LRMDA: variants seen among roughly 807,000 people sequenced by gnomAD.
The protein encoded by LRMDA is leucine rich melanocyte differentiation associated.
LRMDA carries 18 observed loss-of-function variants against 29.8 expected under a neutral mutation model. The observed-to-expected ratio is 0.60, with a 90% CI of 0.42 to 0.90. LRMDA has a LOEUF of 0.90. Among genes scored for constraint, LRMDA ranks in the 40% least tolerant of loss-of-function variants. The pLI is 0.00. For synonymous variants in LRMDA, 125 were observed against 109.4 expected (o/e 1.14, Z -0.89); for missense variants, 273 against 273.9 (o/e 1.00, Z 0.02).
At chr10:75,624,425 G>T (rs1841225995) in intron 2 of LRMDA, among the ~76,000 whole-genome samples, 1 of 152,212 alleles carries the variant, frequency 6.6e-6, no homozygotes, top group Non-Finnish European at 1.5e-5. Context: ...TAGAGAAAAA[G>T]AGGTATCAGT....
At chr10:76,458,254 G>A (rs1209306370) in intron 6 of LRMDA, among the ~76,000 whole-genome samples, 1 of 152,048 alleles carries the variant, frequency 6.6e-6, no homozygotes, top group Non-Finnish European at 1.5e-5. Flanking sequence ...TGAATTTTAT[G>A]TGAAATCTTG....
At chr10:75,851,537 C>T (rs1189607319) in intron 2 of LRMDA, among the ~76,000 whole-genome samples, 2 of 152,170 alleles carry the variant, frequency 1.3e-5, no homozygotes, top group East Asian at 3.9e-4. Context: ...TGGAAGGCCC[C>T]AAACTCTTCT....
intron 5 of LRMDA, chr10:76,270,287 C>T (rs1009283528): frequency 6.6e-6 from 1 of 152,192 alleles, no homozygotes; most frequent in African/African-American, 2.4e-5. Context: ...AGGATGCCAA[C>T]AAAGGCTTCC....
At chr10:75,736,145 T>C (rs1268700867) in intron 2 of LRMDA, among the ~76,000 whole-genome samples, 1 of 152,160 alleles carries the variant, frequency 6.6e-6, no homozygotes, top group African/African-American at 2.4e-5. Flanking sequence ...TAGTTAGGAA[T>C]ATTGTGTAAA....
chr10:76,406,068 A>G (rs1841898680), intron 6 of LRMDA, among the ~76,000 whole-genome samples: 1 of 152,230 alleles, frequency 6.6e-6, no homozygotes, highest in Admixed American at 6.5e-5. Flanking sequence ...AAACAAGAGG[A>G]ACAACAGGAA....
At chr10:75,897,582 A>G (rs1845604325) in intron 2 of LRMDA, among the ~76,000 whole-genome samples, 1 of 151,894 alleles carries the variant, frequency 6.6e-6, no homozygotes, top group South Asian at 2.1e-4. Flanking sequence ...GGATTATCTA[A>G]TCAGTCCTTT....
chr10:76,036,194 C>T, intron 3 of LRMDA, 60 bp downstream of exon 3: 2 of 1,461,676 alleles, frequency 1.4e-6, no homozygotes, highest in Non-Finnish European at 1.8e-6. Flanking sequence ...CGTCCCCCAA[C>T]CCCACCCTGC....
chr10:75,625,443 CAGAATG>C (rs956786210), intron 2 of LRMDA, among the ~76,000 whole-genome samples: 23 of 152,228 alleles, frequency 1.5e-4, no homozygotes, highest in African/African-American at 4.3e-4. Context: ...TACTGCATCT[CAGAATG>C]AGATATTCTC....
At position 75,967,276 on chromosome 10, in the gene LRMDA, G is replaced by A. The variant is rs543897072; in HGVS notation, c.132-68732G>A. On this transcript the variant is annotated intron_variant, in intron 2 of 6. Coordinates refer to ENST00000611255, the MANE Select transcript of LRMDA (RefSeq NM_001305581.2). ...AATTACTGTATTCTTTAATTACATAGCATCTTAAACTGTAGCTTTGAATTT... is the reference window on the plus strand; with the variant it reads ...AATTACTGTATTCTTTAATTACATAACATCTTAAACTGTAGCTTTGAATTT... 7.2e-5 allele frequency among the ~76,000 whole-genome samples: 11 copies of A among 152,168 alleles called. No homozygotes were observed. The East Asian group carries it at 7.7e-4, about 11-fold the overall frequency.
At chr10:76,137,208 G>A (rs1019297959) in intron 5 of LRMDA, among the ~76,000 whole-genome samples, 3 of 152,138 alleles carry the variant, frequency 2.0e-5, no homozygotes, top group Non-Finnish European at 4.4e-5. Flanking sequence ...TATTCCTTAA[G>A]CTAAAACCCT....
At chr10:76,197,948 A>G (rs1334859190) in intron 5 of LRMDA, among the ~76,000 whole-genome samples, 3 of 152,030 alleles carry the variant, frequency 2.0e-5, no homozygotes, top group East Asian at 3.9e-4. Context: ...TAGTAGTTCC[A>G]CTGCTGAGAA....
At chr10:75,861,932 G>A (rs1844937279) in intron 2 of LRMDA, among the ~76,000 whole-genome samples, 1 of 152,112 alleles carries the variant, frequency 6.6e-6, no homozygotes, top group African/African-American at 2.4e-5. Context: ...GCTCTACCTA[G>A]CCAATGTGGA....
intron 5 of LRMDA, among the ~76,000 whole-genome samples, chr10:76,222,358 G>T (rs1304287323): frequency 6.6e-6 from 1 of 152,100 alleles, no homozygotes. Context: ...GAAAATTTTT[G>T]CAACCTACTC....
chr10:76,454,092 A>G (rs1427758150), intron 6 of LRMDA, among the ~76,000 whole-genome samples: 1 of 152,188 alleles, frequency 6.6e-6, no homozygotes, highest in Non-Finnish European at 1.5e-5. Context: ...TTTCATTGAT[A>G]AGTTATTTTG....
At chr10:76,151,408 T>C (rs564043544) in intron 5 of LRMDA, among the ~76,000 whole-genome samples, 4 of 152,252 alleles carry the variant, frequency 2.6e-5, no homozygotes, top group African/African-American at 7.2e-5. Context: ...AGTTTTTTTT[T>C]CCCCTCCAAG....
intron 2 of LRMDA, among the ~76,000 whole-genome samples, chr10:75,975,717 A>G (rs919255823): frequency 3.3e-5 from 5 of 152,164 alleles, no homozygotes; most frequent in Non-Finnish European, 7.3e-5. Flanking sequence ...GACTATCTCT[A>G]AAGTTCTTTT....
chr10:76,378,863 T>TC (rs1554817040), intron 6 of LRMDA, among the ~76,000 whole-genome samples: 5 of 144,726 alleles, frequency 3.5e-5, no homozygotes, highest in South Asian at 2.2e-4. Context: ...TTTTTCTTTT[T>TC]TTTTTTTTTT....
chr10:76,478,575 C>T (rs528101787), intron 6 of LRMDA, among the ~76,000 whole-genome samples: 1 of 152,210 alleles, frequency 6.6e-6, no homozygotes, highest in African/African-American at 2.4e-5. Flanking sequence ...ATAAATGATG[C>T]TGCTATAAAG....
At chr10:75,661,477 C>G (rs1421050621) in intron 2 of LRMDA, among the ~76,000 whole-genome samples, 2 of 152,134 alleles carry the variant, frequency 1.3e-5, no homozygotes, top group Non-Finnish European at 2.9e-5. Flanking sequence ...AGCTACCAAG[C>G]AATGCCAATG....
Sources: gnomAD v4.1 joint callset for allele counts (sites outside exome capture counted in the v4.1 genomes callset) on GRCh38, gnomAD v4.1.1 for gene constraint, MANE v1.5 for transcripts, NCBI Gene and HGNC (gene_info 2026-07-23, HGNC 2026-07-21) for gene names.